CTNNA2: variants seen among roughly 807,000 people sequenced by gnomAD.
CTNNA2 encodes the protein catenin alpha 2.
A neutral mutation model predicts 101.0 loss-of-function variants in CTNNA2; 42 were observed. The ratio of observed to expected loss-of-function variants is 0.42; its 90% confidence interval spans 0.32 to 0.54. The LOEUF (loss-of-function observed/expected upper bound fraction) is 0.54. CTNNA2 is among the 20% of genes least tolerant of loss of function. The pLI is 0.14. For synonymous variants in CTNNA2, 450 were observed against 456.4 expected (o/e 0.99, Z 0.18); for missense variants, 871 against 1,223.1 (o/e 0.71, Z 4.29).
intron 2 of CTNNA2, among the ~76,000 whole-genome samples, chr2:79,250,898 G>A (rs1026050785): frequency 6.6e-6 from 1 of 152,196 alleles, no homozygotes; most frequent in African/African-American, 2.4e-5. Context: ...CAGGTCCAAT[G>A]TGTGTAGACG....
At chr2:80,094,680 A>C (rs1427745821) in intron 7 of CTNNA2, among the ~76,000 whole-genome samples, 3 of 151,934 alleles carry the variant, frequency 2.0e-5, no homozygotes, top group African/African-American at 4.8e-5. Context: ...CTTTTATTTC[A>C]TTGAGCAGTG....
chr2:80,368,891 C>T (rs191671593), intron 7 of CTNNA2, among the ~76,000 whole-genome samples: 55 of 131,156 alleles, frequency 4.2e-4, no homozygotes, highest in East Asian at 8.1e-4. Context: ...ATATTTGGCA[C>T]GCTAGGCTAG....
chr2:80,241,045 C>T (rs1035572191), intron 7 of CTNNA2, among the ~76,000 whole-genome samples: 8 of 152,052 alleles, frequency 5.3e-5, no homozygotes, highest in Non-Finnish European at 8.8e-5. Flanking sequence ...GCATGGAAGT[C>T]GGCTGCCAAT....
intron 1 of CTNNA2, among the ~76,000 whole-genome samples, chr2:79,528,067 T>C (rs984118022): frequency 6.6e-6 from 1 of 152,222 alleles, no homozygotes; most frequent in East Asian, 1.9e-4. Context: ...ACACAAAATA[T>C]CACATATTGT....
intron 3 of CTNNA2, among the ~76,000 whole-genome samples, chr2:79,338,576 TC>T (rs1344098360): frequency 0.029 from 272 of 9,506 alleles, 2 homozygotes; most frequent in African/African-American, 0.12. Context: ...TTCCTCCTCA[TC>T]ATCTTCTTCT....
intron 7 of CTNNA2, among the ~76,000 whole-genome samples, chr2:80,009,118 G>A (rs1693586162): frequency 1.3e-5 from 2 of 152,160 alleles, no homozygotes; most frequent in Non-Finnish European, 1.5e-5. Flanking sequence ...CAGAATGAAA[G>A]GCAGGGAACA....
chr2:79,720,345 C>T (rs1024342411), intron 2 of CTNNA2, among the ~76,000 whole-genome samples: 2 of 152,002 alleles, frequency 1.3e-5, no homozygotes, highest in Non-Finnish European at 2.9e-5. Flanking sequence ...TGGCTTTGTT[C>T]TTTTTGCTTA....
At chr2:80,444,673 A>G (rs1179080339) in intron 9 of CTNNA2, among the ~76,000 whole-genome samples, 4 of 152,142 alleles carry the variant, frequency 2.6e-5, no homozygotes, top group Non-Finnish European at 5.9e-5. Context: ...TGGGGCACCT[A>G]TGATGTGATT....
chr2:79,321,616 A>T (rs962915275), intron 3 of CTNNA2, among the ~76,000 whole-genome samples: 2 of 152,156 alleles, frequency 1.3e-5, no homozygotes, highest in Admixed American at 1.3e-4. Context: ...TTTAATTTTG[A>T]TGAAGGTCCT....
intron 4 of CTNNA2, among the ~76,000 whole-genome samples, chr2:79,432,083 A>C (rs1228057737): frequency 6.6e-6 from 1 of 152,180 alleles, no homozygotes; most frequent in East Asian, 1.9e-4. Context: ...TTCATGTTTT[A>C]TTTTGTTAAC....
At chr2:80,597,797 A>T (rs1669360788) in intron 15 of CTNNA2, among the ~76,000 whole-genome samples, 1 of 152,180 alleles carries the variant, frequency 6.6e-6, no homozygotes, top group Non-Finnish European at 1.5e-5. Flanking sequence ...CAGAATGGCG[A>T]TCATTAAAAA....
intron 4 of CTNNA2, among the ~76,000 whole-genome samples, chr2:79,391,280 TCTC>T (rs1244943334): frequency 6.6e-6 from 1 of 152,082 alleles, no homozygotes; most frequent in African/African-American, 2.4e-5. Flanking sequence ...CCCTCCTCCT[TCTC>T]CTCCTCCTCT....
chr2:79,432,122 G>A (rs1439180235), intron 4 of CTNNA2, among the ~76,000 whole-genome samples: 1 of 152,124 alleles, frequency 6.6e-6, no homozygotes, highest in Non-Finnish European at 1.5e-5. Flanking sequence ...ATACAAATTA[G>A]TCAGTAGCAC....
At chr2:80,099,747 C>G (rs1700421394) in intron 7 of CTNNA2, among the ~76,000 whole-genome samples, 1 of 90,722 alleles carries the variant, frequency 1.1e-5, no homozygotes, top group African/African-American at 3.7e-5. Context: ...TGTTTTTACT[C>G]TTTCCTTCAA....
chr2:80,055,501 C>T (rs1196825373), intron 7 of CTNNA2, among the ~76,000 whole-genome samples: 1 of 152,116 alleles, frequency 6.6e-6, no homozygotes, highest in East Asian at 1.9e-4. Flanking sequence ...TTATTGGACC[C>T]ACGAAGTTGA....
At chr2:79,506,222 G>A (rs1375148610) in intron 5 of CTNNA2, among the ~76,000 whole-genome samples, 1 of 151,986 alleles carries the variant, frequency 6.6e-6, no homozygotes, top group Non-Finnish European at 1.5e-5. Context: ...CCTCTGTAGA[G>A]GTAGGTGGTT....
intron 12 of CTNNA2, among the ~76,000 whole-genome samples, chr2:80,567,185 A>G (rs1283462710): frequency 6.6e-6 from 1 of 152,166 alleles, no homozygotes; most frequent in African/African-American, 2.4e-5. Flanking sequence ...TCCCCCGTGT[A>G]GGGGTGAATT....
intron 3 of CTNNA2, among the ~76,000 whole-genome samples, chr2:79,828,366 G>C (rs1402369250): frequency 1.3e-5 from 2 of 152,110 alleles, no homozygotes; most frequent in South Asian, 2.1e-4. Flanking sequence ...TTATAAGCTA[G>C]AGCAGCGCAA....
At chr2:79,314,114 G>A (rs535424933) in intron 3 of CTNNA2, among the ~76,000 whole-genome samples, 1 of 152,200 alleles carries the variant, frequency 6.6e-6, no homozygotes, top group East Asian at 1.9e-4. Flanking sequence ...CTTTCCTTCT[G>A]CTTCAGGCCC....
Sources: allele counts gnomAD v4.1 joint callset (sites outside exome capture counted in the v4.1 genomes callset), GRCh38; gene constraint gnomAD v4.1.1; transcripts MANE v1.5; gene names NCBI Gene and HGNC (gene_info 2026-07-23, HGNC 2026-07-21).